The following ZNF25 variants were observed in gnomAD, a reference collection of about 807,000 sequenced individuals.
ZNF25 encodes the protein zinc finger protein 25.
Under a neutral mutation model 30.9 loss-of-function variants are expected in ZNF25, and 21 were observed. The ratio of observed to expected loss-of-function variants is 0.68; its 90% confidence interval spans 0.48 to 0.98. ZNF25 has a LOEUF of 0.98. ZNF25 is among the 50% of genes least tolerant of loss of function. The pLI is 0.00. For synonymous variants in ZNF25, 169 were observed against 181.3 expected (o/e 0.93, Z 0.55); for missense variants, 501 against 529.9 (o/e 0.95, Z 0.54).
chr10:37,959,699 T>C (rs1332716598), intron 2 of ZNF25, among the ~76,000 whole-genome samples: 1 of 151,994 alleles, frequency 6.6e-6, no homozygotes, highest in Admixed American at 6.6e-5. Context: ...AACCTCCGCC[T>C]CCCAGGTTCA....
chr10:37,957,197 G>C, intron 3 of ZNF25, 82 bp from the exon 4 acceptor site: 1 of 1,422,310 alleles, frequency 7.0e-7, no homozygotes, highest in Non-Finnish European at 9.8e-7. Flanking sequence ...GGAGTTTCAG[G>C]ATAATAATGA....
At chr10:37,957,909 T>C (rs547191347) in intron 2 of ZNF25, among the ~76,000 whole-genome samples, 1 of 152,350 alleles carries the variant, frequency 6.6e-6, no homozygotes, top group Non-Finnish European at 1.5e-5. Context: ...TTCTTACCAT[T>C]GTGTTACAAG....
chr10:37,960,919 C>G (rs1272482063), intron 2 of ZNF25, among the ~76,000 whole-genome samples: 1 of 152,116 alleles, frequency 6.6e-6, no homozygotes, highest in Non-Finnish European at 1.5e-5. Flanking sequence ...TCTAGAATTC[C>G]TAAGAGCAGA....
intron 2 of ZNF25, among the ~76,000 whole-genome samples, chr10:37,964,994 A>G: frequency 6.6e-6 from 1 of 152,134 alleles, no homozygotes; most frequent in Admixed American, 6.6e-5. Context: ...CCCACATCTC[A>G]GCTGCTCTGG....
intron 2 of ZNF25, among the ~76,000 whole-genome samples, chr10:37,968,985 A>G (rs1014005025): frequency 5.3e-5 from 8 of 152,154 alleles, no homozygotes; most frequent in African/African-American, 1.9e-4. Flanking sequence ...ATGGCCAAAA[A>G]GCACACTAGA....
intron 5 of ZNF25, 95 bp from the exon 6 acceptor site, chr10:37,953,290 G>A: frequency 1.7e-6 from 2 of 1,170,508 alleles, no homozygotes; most frequent in Non-Finnish European, 2.4e-6. Flanking sequence ...TACCTCTGAG[G>A]ACCGATTTCT....
intron 2 of ZNF25, chr10:37,968,074 C>G (rs1014356388): frequency 2.0e-5 from 3 of 152,198 alleles, no homozygotes; most frequent in African/African-American, 7.2e-5. Context: ...TGCAAATCAT[C>G]TGAGACAGAG....
intron 2 of ZNF25, among the ~76,000 whole-genome samples, chr10:37,964,555 A>C (rs2063078619): frequency 6.6e-6 from 1 of 152,176 alleles, no homozygotes; most frequent in South Asian, 2.1e-4. Context: ...GGATCTGTGG[A>C]AGACTGAACT....
chr10:37,970,549 C>G (rs562416589), intron 2 of ZNF25, among the ~76,000 whole-genome samples: 14 of 152,102 alleles, frequency 9.2e-5, no homozygotes, highest in Non-Finnish European at 2.1e-4. Flanking sequence ...TTCTTTCCCC[C>G]CTAAGGTCAG....
At chr10:37,956,354 C>T (rs940059575) in intron 4 of ZNF25, among the ~76,000 whole-genome samples, 43 of 152,186 alleles carry the variant, frequency 2.8e-4, no homozygotes, top group Admixed American at 1.2e-3. Context: ...CATTTAAAAA[C>T]GTTATAAGTC....
At chr10:37,961,944 A>G (rs2062905937) in intron 2 of ZNF25, among the ~76,000 whole-genome samples, 1 of 148,688 alleles carries the variant, frequency 6.7e-6, no homozygotes, top group Non-Finnish European at 1.5e-5. Flanking sequence ...AAAAAAAAAA[A>G]CCTAACAGAT....
Position 37,950,617 on chromosome 10 carries a change from C to T in ZNF25, c.*1510G>A, listed in dbSNP as rs1255023813. 1 of 151,094 alleles carries T rather than the reference C, an allele frequency of 6.6e-6. No individual in the cohort carries two copies. The highest frequency in any genetic ancestry group is 1.5e-5 in the Non-Finnish European group (1 of 67,870). 9.4% of individuals were successfully genotyped at this position (151,094 alleles called of 1,614,324 possible). On this transcript the variant is annotated 3_prime_UTR_variant, in exon 6 of 6. Coordinates refer to ENST00000302609, the MANE Select transcript of ZNF25 (RefSeq NM_145011.4). ...CACAAAATACAAATAATGATGATAA[C>T]CTCTAACATATAGCTCTTGTGTCTC...
intron 2 of ZNF25, among the ~76,000 whole-genome samples, chr10:37,962,341 A>T (rs944318710): frequency 6.6e-6 from 1 of 152,228 alleles, no homozygotes; most frequent in Non-Finnish European, 1.5e-5. Flanking sequence ...TGCTTACAGA[A>T]GAAGTGAGAA....
At chr10:37,968,960 T>A (rs1257569261) in intron 2 of ZNF25, among the ~76,000 whole-genome samples, 1 of 151,854 alleles carries the variant, frequency 6.6e-6, no homozygotes, top group African/African-American at 2.4e-5. Flanking sequence ...TACCAATTGA[T>A]GACAGTATAT....
chr10:37,971,732 C>T lies in ZNF25; in HGVS notation c.-10G>A, dbSNP rs774468989. ...CCTGGAACTTGTTCATTTTCTGCTG[C>T]TCTTGGGAAAGGCTGAAAACTGCAA... On this transcript the variant is annotated 5_prime_UTR_variant, in exon 2 of 6. Coordinates refer to ENST00000302609, the MANE Select transcript of ZNF25 (RefSeq NM_145011.4). The T allele has an allele frequency of 1.2e-6, 2 of 1,613,896 alleles. No homozygotes were observed. The highest frequency in any genetic ancestry group is 1.7e-6 in the Non-Finnish European group (2 of 1,180,002).
Position 37,957,493 on chromosome 10 carries a change from C to T in ZNF25, c.69G>A (p.Lys23=), listed in dbSNP as rs890008395. 3 of 1,613,928 alleles carry T rather than the reference C, an allele frequency of 1.9e-6. No individual in the cohort carries two copies. Among genetic ancestry groups the T allele is most frequent in the Non-Finnish European group, 2.5e-6 (3 of 1,179,908 alleles). ...VIVEFTKEEW[K]LLTPAQRTLY... ...GAGTCCTCTGAGCAGGGGTCAGTAACTTCCATTCTTCCTTGGTGAATTCCA... is the reference window on the plus strand; with the variant it reads ...GAGTCCTCTGAGCAGGGGTCAGTAATTTCCATTCTTCCTTGGTGAATTCCA... The change falls in exon 3 of 6, where the codon AAG becomes AAA. Residue 23 remains lysine (K), a synonymous_variant. Coordinates refer to ENST00000302609, the MANE Select transcript of ZNF25 (RefSeq NM_145011.4).
chr10:37,953,778 G>A lies in ZNF25; in HGVS notation c.239-20C>T. ...GGTCTTCTACAAGGGAACCAAAAAT[G>A]TAATACTTTATAAATACTACACATT... is the stretch of plus-strand genomic sequence containing the variant. On this transcript the variant is annotated intron_variant, in intron 4 of 5. Coordinates refer to ENST00000302609, the MANE Select transcript of ZNF25 (RefSeq NM_145011.4). 6.2e-7 allele frequency: 1 copy of A among 1,601,086 alleles called. No homozygotes were observed. Among genetic ancestry groups the A allele is most frequent in the Non-Finnish European group, 8.6e-7 (1 of 1,168,510 alleles).
At chr10:37,960,867 A>T (rs1346211598) in intron 2 of ZNF25, among the ~76,000 whole-genome samples, 2 of 152,126 alleles carry the variant, frequency 1.3e-5, no homozygotes, top group Non-Finnish European at 2.9e-5. Flanking sequence ...AGGAGTGAAA[A>T]CTGTAATAAG....
intron 5 of ZNF25, among the ~76,000 whole-genome samples, 178 bp downstream of exon 5, chr10:37,953,517 T>A (rs2135287397): frequency 6.6e-6 from 1 of 152,360 alleles, no homozygotes; most frequent in South Asian, 2.1e-4. Context: ...AATCTCCCGA[T>A]CCTGCACAAG....
Sources: allele counts gnomAD v4.1 joint callset (sites outside exome capture counted in the v4.1 genomes callset), GRCh38; gene constraint gnomAD v4.1.1; transcripts MANE v1.5; gene names NCBI Gene and HGNC (gene_info 2026-07-23, HGNC 2026-07-21).